The following PCNT variants were observed in gnomAD, a reference collection of about 807,000 sequenced individuals.
The protein encoded by PCNT is pericentrin, also known as kendrin.
A neutral mutation model predicts 380.4 loss-of-function variants in PCNT; 319 were observed. The observed-to-expected ratio is 0.84, with a 90% CI of 0.77 to 0.92. The LOEUF is 0.92. Among genes scored for constraint, PCNT ranks in the 40% least tolerant of loss-of-function variants. The probability of loss-of-function intolerance (pLI) is 0.00; values close to 1 mark genes in which losing one functional copy is unlikely to be tolerated. For synonymous variants in PCNT, 1,845 were observed against 1,735.2 expected, an observed-to-expected ratio of 1.06 and a Z score of -1.57; for missense variants, 4,400 against 4,255.3, an observed-to-expected ratio of 1.03 and a Z score of -0.95.
rs370083877 is a variant in PCNT at position 46,354,039 on chromosome 21, G to T, written c.1732G>T (p.Val578Phe). The change falls in exon 11 of 47, where the codon GTT becomes TTT. Residue 578 changes from valine to phenylalanine, a missense_variant. Coordinates refer to ENST00000359568, the MANE Select transcript of PCNT (RefSeq NM_006031.6). ...EKPEKGRKDH[V>F]DELEPERHKE... ...ACCTGAGAAAGGAAGAAAAGATCAC[G>T]TTGATGAACTCGAGCCTGAGCGACA... 9 of 1,614,116 alleles carry T rather than the reference G, an allele frequency of 5.6e-6. No homozygotes were observed. The highest frequency in any genetic ancestry group is 7.6e-6 in the Non-Finnish European group (9 of 1,179,974).
chr21:46,432,659 C>T lies in PCNT; in HGVS notation c.8751+444C>T, dbSNP rs537085683. Among the ~76,000 whole-genome samples, 5 of 152,280 alleles carry T rather than the reference C, an allele frequency of 3.3e-5. No individual in the cohort carries two copies. The South Asian group carries it at 6.2e-4, about 19-fold the overall frequency. On this transcript the variant is annotated intron_variant, in intron 38 of 46. Transcript: ENST00000359568. ...GATTTTTTTGAGATAGGGTCTGGCT[C>T]TGTCACCCAGGCTGGAGTGCAGTGA...
At chr21:46,364,769 G>A (rs1022720709) in intron 14 of PCNT, among the ~76,000 whole-genome samples, 3 of 151,998 alleles carry the variant, frequency 2.0e-5, no homozygotes, top group African/African-American at 7.2e-5. Flanking sequence ...AACCAGGGCC[G>A]CACAGGGCCC....
intron 21 of PCNT, among the ~76,000 whole-genome samples, chr21:46,393,083 C>T (rs547404265): frequency 3.9e-5 from 6 of 152,280 alleles, no homozygotes; most frequent in South Asian, 2.1e-4. Context: ...GTCCTCACTG[C>T]GGTGTTGCCT....
At chr21:46,340,552 A>G (rs1199068058) in intron 3 of PCNT, among the ~76,000 whole-genome samples, 2 of 152,080 alleles carry the variant, frequency 1.3e-5, no homozygotes, top group South Asian at 2.1e-4. Flanking sequence ...ATTGGTTGTT[A>G]TTCTGCATAA....
rs1555954604 is a variant in PCNT, at chr21:46,353,751, T to TGA, written c.1680-229_1680-228dup. ...GTGTGTGTGTGTGTGTGTGTGTGTGTGAGAGAGACAGAGAGAGAGTCAGTG... is the reference window on the plus strand; with the variant it reads ...GTGTGTGTGTGTGTGTGTGTGTGTGTGAGAGAGAGACAGAGAGAGAGTCAGTG... On this transcript the variant is annotated intron_variant, in intron 10 of 46. Coordinates refer to ENST00000359568, the MANE Select transcript of PCNT (RefSeq NM_006031.6). Among the ~76,000 whole-genome samples the TGA allele has an allele frequency of 5.5e-3, 576 of 104,392 alleles. 3 individuals are homozygous for TGA. Among genetic ancestry groups the TGA allele is most frequent in the Middle Eastern group, 0.02 (4 of 200 alleles). 68.5% of individuals were successfully genotyped at this position (104,392 alleles called of 152,430 possible).
At chr21:46,345,960 C>A (rs2084052114) in intron 3 of PCNT, among the ~76,000 whole-genome samples, 168 bp from the exon 4 acceptor site, 1 of 152,214 alleles carries the variant, frequency 6.6e-6, no homozygotes, top group Admixed American at 6.5e-5. Context: ...AACCATTCAT[C>A]CCTCAGGAGG....
intron 1 of PCNT, 104 bp from the exon 2 acceptor site, chr21:46,326,273 C>T (rs1269598865): frequency 8.8e-6 from 9 of 1,022,180 alleles, no homozygotes; most frequent in Non-Finnish European, 1.3e-5. Flanking sequence ...TAGACTGGGT[C>T]AGCCCTCGGG....
chr21:46,389,509 G>T (rs1333003958), intron 19 of PCNT, 78 bp downstream of exon 19: 4 of 1,216,252 alleles, frequency 3.3e-6, no homozygotes, highest in Non-Finnish European at 4.8e-6. Context: ...CCTGGTGGAT[G>T]CCGGTGCCAA....
At position 46,367,125 on chromosome 21, in the gene PCNT, C is replaced by T. The variant is rs1027571560; in HGVS notation, c.3151C>T (p.Gln1051Ter). ...CGCCGGAACCGTGGCTCACGAGCTG[C>T]AGGGAGTGCACCAGGTAAGGCGCCA... The part of the protein sequence containing the change: ...ELAGTVAHEL[Q>*]GVHQGEFGSE... The change falls in exon 15 of 47, where the codon CAG (glutamine) becomes TAG (stop). Residue 1051 changes from glutamine (Q) to a stop codon, truncating the protein, a stop_gained. Coordinates refer to ENST00000359568, the MANE Select transcript of PCNT (RefSeq NM_006031.6). LOFTEE classifies it high-confidence loss of function. The T allele has an allele frequency of 1.9e-6, 3 of 1,612,688 alleles. No homozygotes were observed. Among genetic ancestry groups the T allele is most frequent in the Non-Finnish European group, 8.5e-7 (1 of 1,179,982 alleles).
At chr21:46,328,138 C>T (rs1397678729) in intron 2 of PCNT, among the ~76,000 whole-genome samples, 1 of 152,140 alleles carries the variant, frequency 6.6e-6, no homozygotes. Flanking sequence ...ATGTATGTAT[C>T]CTGCTTTACT....
At position 46,435,944 on chromosome 21, in the gene PCNT, T is replaced by C. The variant is rs1402499623; in HGVS notation, c.8792T>C (p.Ile2931Thr). The C allele has an allele frequency of 1.9e-6, 3 of 1,614,184 alleles. No homozygotes were observed. In the Admixed American group the frequency reaches 5.0e-5, roughly 27 times the overall value. ...CAGCGTCAGCGTGACTTGCATAAGA[T>C]CAAGCAGCTTCAGCAGACAGTGAGA... ...ELQRQRDLHK[I>T]KQLQQTVRDL... Residue 2931 changes from isoleucine (I) to threonine (T), a missense_variant, in exon 39 of 47, where the codon ATC (isoleucine) becomes ACC (threonine). Ile to Thr is a moderately conservative substitution (Grantham distance 89, BLOSUM62 -1). Coordinates refer to ENST00000359568, the MANE Select transcript of PCNT (RefSeq NM_006031.6).
chr21:46,430,197 C>T lies in PCNT; in HGVS notation c.7878C>T (p.Ser2626=). 2 of 1,613,950 alleles carry T rather than the reference C, an allele frequency of 1.2e-6. No individual in the cohort carries two copies. Among genetic ancestry groups the T allele is most frequent in the Non-Finnish European group, 1.7e-6 (2 of 1,180,000 alleles). Residue 2626 remains serine (S), a synonymous_variant, in exon 36 of 47, where the codon TCC becomes TCT. Transcript: ENST00000359568. ...SRQKSEQLSR[S]LCEVQQEVLQ... ...AGAAGAGCGAACAGCTGTCCCGGTC[C>T]CTCTGCGAGGTGCAGCAGGAGGTCC...
intron 43 of PCNT, among the ~76,000 whole-genome samples, chr21:46,442,266 T>G (rs1395552737): frequency 1.3e-5 from 2 of 152,060 alleles, no homozygotes; most frequent in African/African-American, 2.4e-5. Flanking sequence ...TGAGGCTTTG[T>G]CAGGTGGTTG....
intron 29 of PCNT, among the ~76,000 whole-genome samples, chr21:46,413,995 T>TC (rs1491209010): frequency 1.2e-4 from 2 of 16,770 alleles, no homozygotes; most frequent in Non-Finnish European, 2.2e-4. Context: ...TTTTTCTCTC[T>TC]TTTTTTTTTT....
chr21:46,391,298 G>A lies in PCNT; in HGVS notation c.4138G>A (p.Ala1380Thr), dbSNP rs1473477517. 5 of 1,575,112 alleles carry A rather than the reference G, an allele frequency of 3.2e-6. No individual in the cohort carries two copies. Among genetic ancestry groups the A allele is most frequent in the African/African-American group, 1.3e-5 (1 of 74,466 alleles). Residue 1380 changes from alanine to threonine, a missense_variant, in exon 21 of 47, where the codon GCG becomes ACG. Coordinates refer to ENST00000359568, the MANE Select transcript of PCNT (RefSeq NM_006031.6). The part of the protein sequence containing the change: ...RQLQQAAQEQ[A>T]ALREECTRLW... ...GCTGCAGCAGGCGGCCCAGGAGCAG[G>A]CGGCGCTGAGGGAGGAGTGCACCCG...
intron 38 of PCNT, among the ~76,000 whole-genome samples, chr21:46,432,603 G>A (rs774989461): frequency 4.9e-4 from 75 of 152,184 alleles, no homozygotes; most frequent in Non-Finnish European, 8.7e-4. Context: ...TTTGATCCAC[G>A]ATTACAGAAT....
chr21:46,329,224 C>T (rs756057112), intron 2 of PCNT, among the ~76,000 whole-genome samples: 9 of 152,328 alleles, frequency 5.9e-5, no homozygotes, highest in East Asian at 1.9e-4. Flanking sequence ...GTATAGACTC[C>T]TGATTAAACA....
chr21:46,355,027 G>T (rs1323692188), intron 11 of PCNT, among the ~76,000 whole-genome samples: 1 of 152,216 alleles, frequency 6.6e-6, no homozygotes, highest in African/African-American at 2.4e-5. Flanking sequence ...GCGCGTGGGT[G>T]TGACGAGGAC....
chr21:46,379,967 T>C (rs1295402561), intron 15 of PCNT, among the ~76,000 whole-genome samples: 1 of 152,060 alleles, frequency 6.6e-6, no homozygotes, highest in African/African-American at 2.4e-5. Flanking sequence ...TGTTCACACC[T>C]TGTAGAGTCC....
Sources: allele counts gnomAD v4.1 joint callset (sites outside exome capture counted in the v4.1 genomes callset), GRCh38; gene constraint gnomAD v4.1.1; transcripts MANE v1.5; gene names NCBI Gene and HGNC (gene_info 2026-07-23, HGNC 2026-07-21).